Variants in KRT9 observed in about 807,000 individuals in gnomAD.
KRT9 encodes the protein keratin 9, also known as keratin, type I cytoskeletal 9.
KRT9 carries 34 observed loss-of-function variants against 51.4 expected under a neutral mutation model. The ratio of observed to expected loss-of-function variants is 0.66; its 90% CI spans 0.50 to 0.88. KRT9 has a LOEUF of 0.88. Ranked by LOEUF, KRT9 falls within the 40% of genes least tolerant of loss-of-function variation. The pLI, the probability that KRT9 is intolerant of heterozygous loss-of-function variation, is 0.00. For missense variants in KRT9, 753 were observed against 790.3 expected (o/e 0.95, Z 0.57); for synonymous variants, 292 against 289.7 (o/e 1.01, Z -0.08).
At chr17:41,568,454 G>A in intron 5 of KRT9, 54 bp downstream of exon 5, 3 of 1,614,074 alleles carry the variant, frequency 1.9e-6, no homozygotes, top group South Asian at 1.1e-5. Flanking sequence ...CTCCTGGGCT[G>A]CAAAGACTTC....
intron 7 of KRT9, 130 bp from the exon 8 acceptor site, chr17:41,566,282 T>A (rs1906872453): frequency 6.5e-6 from 1 of 153,030 alleles, no homozygotes; most frequent in Admixed American, 6.5e-5. Context: ...TGGACAATCC[T>A]GAGGTAGAAG....
chr17:41,568,496 A>G lies in KRT9; in HGVS notation c.1170+12T>C, dbSNP rs762105015. On this transcript the variant is annotated intron_variant, in intron 5 of 7. Coordinates refer to ENST00000246662, the MANE Select transcript of KRT9 (RefSeq NM_000226.4). Reference sequence around the variant, plus strand: ...CCCACCTTGGCAAAGGGTCTATAGCAGAACTACCAACCTTGCTGAGCTGAG... The same window carrying G: ...CCCACCTTGGCAAAGGGTCTATAGCGGAACTACCAACCTTGCTGAGCTGAG... 36 of 1,614,102 alleles carry G rather than the reference A, an allele frequency of 2.2e-5. No individual in the cohort carries two copies. Among genetic ancestry groups the G allele is most frequent in the Non-Finnish European group, 3.0e-5 (35 of 1,180,052 alleles).
chr17:41,570,953 A>G (rs1056515528), intron 1 of KRT9, among the ~76,000 whole-genome samples: 1 of 152,220 alleles, frequency 6.6e-6, no homozygotes, highest in African/African-American at 2.4e-5. Context: ...TGAATAACCA[A>G]CATGTACAGT....
Position 41,571,520 on chromosome 17 carries a change from T to C in KRT9, c.473A>G (p.Gln158Arg). 1.2e-6 allele frequency: 2 copies of C among 1,613,956 alleles called. No homozygotes were observed. Among genetic ancestry groups the C allele is most frequent in the Non-Finnish European group, 1.7e-6 (2 of 1,179,972 alleles). Residue 158 changes from glutamine to arginine, a missense_variant, in exon 1 of 8, where the codon CAG becomes CGG. Gln to Arg is a conservative substitution (Grantham distance 43). Around this residue, in one of 3 missense-constraint regions of KRT9, gnomAD observed 241 missense variants for 210.3 expected, o/e 1.15. Coordinates refer to ENST00000246662, the MANE Select transcript of KRT9 (RefSeq NM_000226.4). ...ILTANEKSTM[Q>R]ELNSRLASYL... ...AGAGGCCAGCCGAGAATTGAGTTCC[T>C]GCATGGTGCTCTTCTCATTAGCAGT...
At chr17:41,569,363 G>A (rs867081206) in intron 4 of KRT9, 63 bp downstream of exon 4, 1 of 1,497,466 alleles carries the variant, frequency 6.7e-7, no homozygotes, top group Non-Finnish European at 9.2e-7. Flanking sequence ...ATGGGAGGTG[G>A]GAGGGATGGA....
chr17:41,567,771 G>A (rs1244664045), intron 6 of KRT9, 21 bp from the exon 7 acceptor site: 3 of 1,613,992 alleles, frequency 1.9e-6, no homozygotes, highest in African/African-American at 2.7e-5. Context: ...AAGAAAACAA[G>A]AGAGTTAAAA....
intron 1 of KRT9, 104 bp downstream of exon 1, chr17:41,571,247 T>TTCCCTGGCTATTA: frequency 2.8e-6 from 3 of 1,063,382 alleles, no homozygotes; most frequent in Non-Finnish European, 4.4e-6. Flanking sequence ...AAAAGGTGGA[T>TTCCCTGGCTATTA]TCCCTGGCTA....
At position 41,567,431 on chromosome 17, in the gene KRT9, A is replaced by G. The variant is rs1448863575; in HGVS notation, c.1714T>C (p.Tyr572His). ...SGSGGGSGGG[Y>H]GGGSGSRGGS... ...CCCCTGGACCCACTTCCTCCACCAT[A>G]GCCACCCCCACTTCCTCCTCCAGAG... Residue 572 changes from tyrosine (Y) to histidine (H), a missense_variant, in exon 7 of 8, where the codon TAT (tyrosine) becomes CAT (histidine). Physicochemically the swap from Tyr to His is moderately conservative, Grantham distance 83. Transcript: ENST00000246662. 6.4e-7 allele frequency: 1 copy of G among 1,554,342 alleles called. No individual in the cohort carries two copies. The highest frequency in any genetic ancestry group is 8.7e-7 in the Non-Finnish European group (1 of 1,150,014).
At position 41,571,679 on chromosome 17, in the gene KRT9, T is replaced by C; in HGVS notation, c.314A>G (p.Tyr105Cys). Residue 105 changes from tyrosine to cysteine, a missense_variant, in exon 1 of 8, where the codon TAT becomes TGT. Around this residue, in one of 3 missense-constraint regions of KRT9, gnomAD observed 241 missense variants for 210.3 expected, o/e 1.15. Coordinates refer to ENST00000246662, the MANE Select transcript of KRT9 (RefSeq NM_000226.4). ...RGFGGASGGG[Y>C]SSSGGFGGGF... ...ACCTCCAAAACCCCCAGAACTACTATAGCCTCCTCCAGAAGCACCACCAAA... is the reference window on the plus strand; with the variant it reads ...ACCTCCAAAACCCCCAGAACTACTACAGCCTCCTCCAGAAGCACCACCAAA... 3.7e-6 allele frequency: 6 copies of C among 1,603,938 alleles called. No individual in the cohort carries two copies. Among genetic ancestry groups the C allele is most frequent in the East Asian group, 2.3e-5 (1 of 43,970 alleles).
At position 41,565,874 on chromosome 17, in the gene KRT9, C is replaced by T. The variant is rs1341077373; in HGVS notation, c.*319G>A. On this transcript the variant is annotated 3_prime_UTR_variant, in exon 8 of 8. Transcript: ENST00000246662. ...AGGGAAGCTTTATTATAGTCAAGAT[C>T]GTGCAGGGTGTGAGAGCACCCCAGG... 1.3e-5 allele frequency: 2 copies of T among 150,952 alleles called. No individual in the cohort carries two copies. The highest frequency in any genetic ancestry group is 3.0e-5 in the Non-Finnish European group (2 of 67,784). The allele number at this position is 150,952 out of a possible 1,614,324, so 9.4% of individuals were successfully genotyped here. A position where few individuals can be genotyped will look rare whatever the true frequency, so the allele number is the denominator to read the frequency against.
Position 41,568,618 on chromosome 17 carries a change from G to A in KRT9, c.1060C>T (p.His354Tyr), listed in dbSNP as rs1221030077. The change falls in exon 5 of 8, where the codon CAT becomes TAT. Residue 354 changes from histidine to tyrosine, a missense_variant. This residue lies in a region of KRT9 where 507 missense variants were observed against 563.7 expected (regional missense o/e 0.90). Transcript: ENST00000246662. ...QYETQITQIEHEVSSSGQEVQ... is the reference protein window; with the variant it reads ...QYETQITQIEYEVSSSGQEVQ... ...TCCTGACCACTACTGGATACCTCATGCTCGATCTGGGTTATCTGCAAAACC... is the reference window on the plus strand; with the variant it reads ...TCCTGACCACTACTGGATACCTCATACTCGATCTGGGTTATCTGCAAAACC... The A allele has an allele frequency of 1.9e-6, 3 of 1,614,000 alleles. No homozygotes were observed. Among genetic ancestry groups the A allele is most frequent in the Admixed American group, 3.3e-5 (2 of 60,004 alleles).
chr17:41,567,822 A>C (rs769546177), intron 6 of KRT9, 72 bp from the exon 7 acceptor site: 60 of 1,604,222 alleles, frequency 3.7e-5, no homozygotes, highest in Non-Finnish European at 3.5e-5. Flanking sequence ...GGACCTGGAC[A>C]GAGTCAGGAC....
intron 5 of KRT9, 27 bp downstream of exon 5, chr17:41,568,481 C>A (rs1409608249): frequency 1.2e-6 from 2 of 1,614,036 alleles, no homozygotes; most frequent in East Asian, 4.5e-5. Flanking sequence ...CCCACCTTGG[C>A]AAAGGGTCTA....
At position 41,569,889 on chromosome 17, in the gene KRT9, C is replaced by T. The variant is rs1425485344; in HGVS notation, c.852G>A (p.Glu284=). 2.5e-6 allele frequency: 4 copies of T among 1,614,214 alleles called. No homozygotes were observed. Among genetic ancestry groups the T allele is most frequent in the Non-Finnish European group, 3.4e-6 (4 of 1,180,050 alleles). The change falls in exon 3 of 8, where the codon GAG becomes GAA. Residue 284 remains glutamate (E), a synonymous_variant. Coordinates refer to ENST00000246662, the MANE Select transcript of KRT9 (RefSeq NM_000226.4). ...TATGATTCTTCTTGAGGGCCATCAG[C>T]TCCTCCTGCAGAGTCTCATACTGCA... ...LEMQYETLQE[E]LMALKKNHKE... is the part of the protein sequence containing the mutation.
At chr17:41,569,267 G>A (rs1906987188) in intron 4 of KRT9, among the ~76,000 whole-genome samples, 159 bp downstream of exon 4, 1 of 152,218 alleles carries the variant, frequency 6.6e-6, no homozygotes, top group African/African-American at 2.4e-5. Flanking sequence ...TTTGTATGCA[G>A]TGAATGAAGA....
chr17:41,569,571 G>C lies in KRT9; in HGVS notation c.899C>G (p.Thr300Ser). 1 of 1,613,914 alleles carries C rather than the reference G, an allele frequency of 6.2e-7. No individual in the cohort carries two copies. Among genetic ancestry groups the C allele is most frequent in the Non-Finnish European group, 8.5e-7 (1 of 1,180,040 alleles). The change falls in exon 4 of 8, where the codon ACT (threonine) becomes AGT (serine). Residue 300 changes from threonine (T) to serine (S), a missense_variant. By Grantham distance (58) the Thr-to-Ser change is moderately conservative. Coordinates refer to ENST00000246662, the MANE Select transcript of KRT9 (RefSeq NM_000226.4). ...KNHKEEMSQL[T>S]GQNSGDVNVE... ...ATTGACATCTCCACTGTTCTGCCCA[G>C]TCAGCTGACTCATCTCCTGCCAGGG...
Position 41,571,979 on chromosome 17 carries a change from T to G in KRT9, c.14A>C (p.Gln5Pro), listed in dbSNP as rs758757943. MSCR[Q>P]FSSSYLSRSG... ...GCGGCTCAAGTAGGACGAGGAGAAC[T>G]GTCTGCAGCTCATGACACAGCTGGT... The change falls in exon 1 of 8, where the codon CAG (glutamine) becomes CCG (proline). Residue 5 changes from glutamine to proline, a missense_variant. By Grantham distance (76) the Gln-to-Pro change is moderately conservative. Around this residue, in one of 3 missense-constraint regions of KRT9, gnomAD observed 241 missense variants for 210.3 expected, o/e 1.15. Transcript: ENST00000246662. The G allele has an allele frequency of 1.9e-6, 3 of 1,582,920 alleles. No homozygotes were observed. Among genetic ancestry groups the G allele is most frequent in the African/African-American group, 1.3e-5 (1 of 74,596 alleles).
rs1907110750 is a variant in KRT9 at position 41,572,051 on chromosome 17, G to A, written c.-59C>T. On this transcript the variant is annotated 5_prime_UTR_variant, in exon 1 of 8. Coordinates refer to ENST00000246662, the MANE Select transcript of KRT9 (RefSeq NM_000226.4). ...TGATAGGAGTGCTACCGGCTCCCAA[G>A]TGCAGGGTACAGAGCTGTCCCTGGG... 1.3e-6 allele frequency: 2 copies of A among 1,538,028 alleles called. No individual in the cohort carries two copies. The highest frequency in any genetic ancestry group is 1.7e-6 in the Non-Finnish European group (2 of 1,147,798).
rs8075921 is a variant in KRT9 at position 41,571,564 on chromosome 17, T to C, written c.429A>G (p.Gly143=). ...GFGGFGGGAG[G]GDGGILTANE... is the part of the protein sequence containing the mutation. ...TAGCAGTCAGAATACCACCATCACC[T>C]CCTCCAGCACCACCTCCAAAGCCCC... Residue 143 remains glycine, a synonymous_variant, in exon 1 of 8, where the codon GGA becomes GGG. Transcript: ENST00000246662. The C allele has an allele frequency of 6.8e-6, 11 of 1,611,148 alleles. No homozygotes were observed. In the Admixed American group the frequency reaches 8.4e-5, roughly 12 times the overall value.
Sources: gnomAD v4.1 joint callset for allele counts (sites outside exome capture counted in the v4.1 genomes callset) on GRCh38, gnomAD v4.1.1 for gene constraint, gnomAD v4.1.1 regional missense constraint, MANE v1.5 for transcripts, NCBI Gene and HGNC (gene_info 2026-07-23, HGNC 2026-07-21) for gene names.